Variants in GRIA4 observed in about 807,000 individuals in gnomAD.
The protein encoded by GRIA4 is glutamate ionotropic receptor AMPA type subunit 4.
GRIA4 carries 34 observed loss-of-function variants against 104.0 expected under a neutral mutation model. The ratio of observed to expected loss-of-function variants is 0.33; its 90% CI spans 0.25 to 0.44. The LOEUF is 0.44. Among genes scored for constraint, GRIA4 ranks in the 20% least tolerant of loss-of-function variants. The probability of loss-of-function intolerance (pLI) is 1.00; values close to 1 mark genes in which losing one functional copy is unlikely to be tolerated. For synonymous variants in GRIA4, 386 were observed against 381.9 expected, an observed-to-expected ratio of 1.01 and a Z score of -0.13; for missense variants, 750 against 1,096.5, an observed-to-expected ratio of 0.68 and a Z score of 4.46.
chr11:105,839,624 C>G (rs371593456), intron 4 of GRIA4, among the ~76,000 whole-genome samples: 2 of 151,850 alleles, frequency 1.3e-5, no homozygotes, highest in Non-Finnish European at 2.9e-5. Flanking sequence ...AAAATAAGAA[C>G]CCCAGCCCAA....
At chr11:105,932,048 T>G (rs574230146) in intron 13 of GRIA4, among the ~76,000 whole-genome samples, 4 of 127,132 alleles carry the variant, frequency 3.1e-5, no homozygotes, top group African/African-American at 1.0e-4. Flanking sequence ...AGGTCTTCAC[T>G]TTTTTTTTTT....
chr11:105,642,272 G>T (rs961518589), intron 3 of GRIA4, among the ~76,000 whole-genome samples: 1 of 152,046 alleles, frequency 6.6e-6, no homozygotes, highest in Non-Finnish European at 1.5e-5. Context: ...GAAAAGGAAA[G>T]GTGGTCAGTA....
chr11:105,766,624 TA>T (rs145679922), intron 4 of GRIA4, among the ~76,000 whole-genome samples: 4,030 of 152,242 alleles, frequency 0.026, 167 homozygotes, highest in Admixed American at 0.12. Flanking sequence ...CTAATTCAAT[TA>T]AGAAGTGAAC....
intron 5 of GRIA4, among the ~76,000 whole-genome samples, chr11:105,865,057 G>A (rs1032509156): frequency 6.6e-6 from 1 of 152,094 alleles, no homozygotes; most frequent in Non-Finnish European, 1.5e-5. Context: ...TTCTATACAT[G>A]TTTTCCAAAT....
chr11:105,793,134 C>T (rs773858778), intron 4 of GRIA4, among the ~76,000 whole-genome samples: 1 of 152,028 alleles, frequency 6.6e-6, no homozygotes, highest in Non-Finnish European at 1.5e-5. Flanking sequence ...AGAGAACTAC[C>T]AAATGCTGAG....
chr11:105,957,509 T>C lies in GRIA4; in HGVS notation c.2295-14405T>C, dbSNP rs1361899145. On this transcript the variant is annotated intron_variant, in intron 14 of 16. Coordinates refer to ENST00000282499, the MANE Select transcript of GRIA4 (RefSeq NM_000829.4). ...ACCAGTACCATGCTGTTTTGGTTAC[T>C]GTAGCCTTGTAGTATAGTTTGAAGT... Among the ~76,000 whole-genome samples the C allele has an allele frequency of 3.9e-5, 6 of 152,348 alleles. No individual in the cohort carries two copies. The East Asian group carries it at 1.2e-3, about 29-fold the overall frequency.
chr11:105,756,517 T>G (rs758601097), intron 4 of GRIA4, among the ~76,000 whole-genome samples: 3 of 152,116 alleles, frequency 2.0e-5, no homozygotes, highest in Non-Finnish European at 4.4e-5. Context: ...TTAGTTTACA[T>G]ATAAATTTAG....
intron 14 of GRIA4, among the ~76,000 whole-genome samples, chr11:105,957,257 G>A (rs954657596): frequency 6.6e-6 from 1 of 152,146 alleles, no homozygotes; most frequent in Non-Finnish European, 1.5e-5. Flanking sequence ...TAACATGTAA[G>A]TCTTTAATCC....
chr11:105,801,207 T>C (rs1420973495), intron 4 of GRIA4, among the ~76,000 whole-genome samples: 1 of 151,558 alleles, frequency 6.6e-6, no homozygotes, highest in Non-Finnish European at 1.5e-5. Flanking sequence ...TTTAAATGTA[T>C]CTACCTGTTG....
At chr11:105,619,888 G>A (rs1346016591) in intron 3 of GRIA4, among the ~76,000 whole-genome samples, 4 of 151,740 alleles carry the variant, frequency 2.6e-5, no homozygotes, top group African/African-American at 9.7e-5. Flanking sequence ...AACTAACCAG[G>A]AATTTTTTTT....
At chr11:105,846,457 A>C (rs186358348) in intron 4 of GRIA4, among the ~76,000 whole-genome samples, 8 of 152,234 alleles carry the variant, frequency 5.3e-5, no homozygotes, top group Non-Finnish European at 1.5e-5. Flanking sequence ...TATACATAAT[A>C]TATTTTGTAA....
At chr11:105,890,175 G>A (rs1946408171) in intron 6 of GRIA4, among the ~76,000 whole-genome samples, 2 of 152,126 alleles carry the variant, frequency 1.3e-5, no homozygotes, top group Admixed American at 6.5e-5. Context: ...ATGAAATTGG[G>A]TCATGAATTT....
intron 11 of GRIA4, among the ~76,000 whole-genome samples, chr11:105,921,488 T>C (rs1947563000): frequency 6.6e-6 from 1 of 152,188 alleles, no homozygotes; most frequent in African/African-American, 2.4e-5. Context: ...ATCCCCGATG[T>C]TGGCAGAGGA....
At chr11:105,889,404 G>T (rs1946385149) in intron 6 of GRIA4, among the ~76,000 whole-genome samples, 1 of 152,100 alleles carries the variant, frequency 6.6e-6, no homozygotes, top group Non-Finnish European at 1.5e-5. Flanking sequence ...TGGCTGCCAT[G>T]GACATACATT....
At chr11:105,773,108 C>T (rs1182175222) in intron 4 of GRIA4, among the ~76,000 whole-genome samples, 2 of 152,116 alleles carry the variant, frequency 1.3e-5, no homozygotes, top group Admixed American at 6.6e-5. Context: ...CTCCACCTTC[C>T]CCTACTCCTC....
At chr11:105,905,389 A>G in intron 9 of GRIA4, 88 bp downstream of exon 9, 2 of 714,334 alleles carry the variant, frequency 2.8e-6, no homozygotes, top group Middle Eastern at 2.4e-4. Context: ...AAGATGGCTG[A>G]ACATTTCCTT....
chr11:105,808,364 T>C (rs1943036648), intron 4 of GRIA4, among the ~76,000 whole-genome samples: 1 of 152,060 alleles, frequency 6.6e-6, no homozygotes, highest in African/African-American at 2.4e-5. Flanking sequence ...CCTTTCTCCC[T>C]GGATCCAAGG....
intron 3 of GRIA4, among the ~76,000 whole-genome samples, chr11:105,752,196 A>G (rs1240646142): frequency 2.0e-5 from 3 of 152,108 alleles, no homozygotes; most frequent in African/African-American, 7.2e-5. Context: ...AACTGGGAGC[A>G]TGGACCAAGA....
intron 10 of GRIA4, chr11:105,912,866 A>C: frequency 1.0e-6 from 1 of 982,566 alleles, no homozygotes; most frequent in Non-Finnish European, 1.2e-6. Flanking sequence ...TCTGCATGTA[A>C]TTATCCCCAG....
Sources: gnomAD v4.1 joint callset for allele counts (sites outside exome capture counted in the v4.1 genomes callset) on GRCh38, gnomAD v4.1.1 for gene constraint, MANE v1.5 for transcripts, NCBI Gene and HGNC (gene_info 2026-07-23, HGNC 2026-07-21) for gene names.